Variants in ADAM32 observed in about 807,000 individuals in gnomAD.
ADAM32 encodes the protein disintegrin and metalloproteinase domain-containing protein 32.
In ADAM32, 89 loss-of-function variants were observed where a neutral mutation model predicts 114.9. The observed-to-expected ratio is 0.77, with a 90% confidence interval of 0.65 to 0.92. The LOEUF (loss-of-function observed/expected upper bound fraction) is 0.92, where lower values mean the gene tolerates loss of function less well. Ranked by LOEUF, ADAM32 falls within the 40% of genes least tolerant of loss-of-function variation. The pLI, the probability that ADAM32 is intolerant of heterozygous loss-of-function variation, is 0.00. For missense variants in ADAM32, 870 were observed against 932.8 expected, an observed-to-expected ratio of 0.93 and a Z score of 0.88; for synonymous variants, 285 against 307.5, an observed-to-expected ratio of 0.93 and a Z score of 0.77.
At chr8:39,122,399 G>C (rs1458281351) in intron 2 of ADAM32, among the ~76,000 whole-genome samples, 1 of 152,084 alleles carries the variant, frequency 6.6e-6, no homozygotes, top group Non-Finnish European at 1.5e-5. Context: ...TATAAGAAGA[G>C]GAAGAGATAC....
intron 20 of ADAM32, among the ~76,000 whole-genome samples, chr8:39,273,914 C>T (rs1812910404): frequency 6.6e-6 from 1 of 152,088 alleles, no homozygotes; most frequent in Admixed American, 6.5e-5. Flanking sequence ...TTACAAAATA[C>T]TGTCTTTTTT....
chr8:39,225,274 T>C (rs969918339), intron 14 of ADAM32, among the ~76,000 whole-genome samples: 4 of 152,044 alleles, frequency 2.6e-5, no homozygotes, highest in African/African-American at 9.7e-5. Flanking sequence ...CTAGGAACTT[T>C]TGTTGCTCTA....
chr8:39,107,796 G>T lies in ADAM32; in HGVS notation c.21G>T (p.Leu7=), dbSNP rs1345431221. The change falls in exon 1 of 25, where the codon CTG becomes CTT. Residue 7 remains leucine, a synonymous_variant. Coordinates refer to ENST00000379907, the MANE Select transcript of ADAM32 (RefSeq NM_145004.7). The stretch of plus-strand genomic sequence containing the variant: ...GCACCATGTTCCGCCTCTGGTTGCT[G>T]CTGGCCGGGCTCTGCGGCCTCCTGG... MFRLWL[L]LAGLCGLLAS... The T allele has an allele frequency of 6.5e-7, 1 of 1,550,054 alleles. No individual in the cohort carries two copies. The highest frequency in any genetic ancestry group is 8.7e-7 in the Non-Finnish European group (1 of 1,146,544).
At chr8:39,137,127 T>C (rs1802852022) in intron 3 of ADAM32, among the ~76,000 whole-genome samples, 1 of 152,226 alleles carries the variant, frequency 6.6e-6, no homozygotes, top group Non-Finnish European at 1.5e-5. Context: ...AGCTGGCGAA[T>C]AGTTTATGGA....
chr8:39,254,606 G>A (rs1177739078), intron 18 of ADAM32, 90 bp downstream of exon 18: 4 of 907,682 alleles, frequency 4.4e-6, no homozygotes, highest in Non-Finnish European at 4.8e-6. Context: ...CCACTTACAA[G>A]GCAACTGATA....
rs188382369 is a variant in ADAM32, at chr8:39,181,699, T to A, written c.916-5210T>A. On this transcript the variant is annotated intron_variant, in intron 10 of 24. Coordinates refer to ENST00000379907, the MANE Select transcript of ADAM32 (RefSeq NM_145004.7). ...ATGTAAAGGAATTTGAACTGATGAG[T>A]GAAAGAGAGAAGTTAGTAAGGAAGT... Among the ~76,000 whole-genome samples the A allele has an allele frequency of 2.6e-5, 4 of 151,974 alleles. No homozygotes were observed. The East Asian group carries it at 7.8e-4, about 29-fold the overall frequency.
intron 2 of ADAM32, among the ~76,000 whole-genome samples, chr8:39,120,175 T>G (rs1309688604): frequency 6.6e-6 from 1 of 152,224 alleles, no homozygotes; most frequent in Non-Finnish European, 1.5e-5. Flanking sequence ...TTGGGTAGCT[T>G]GAGCAGAGTA....
chr8:39,159,789 T>C (rs1804373794), intron 6 of ADAM32, among the ~76,000 whole-genome samples: 1 of 152,120 alleles, frequency 6.6e-6, no homozygotes, highest in Non-Finnish European at 1.5e-5. Context: ...CACATAACCA[T>C]AATTCTTTGA....
chr8:39,284,080 A>G (rs941899578), intron 24 of ADAM32, among the ~76,000 whole-genome samples: 2 of 152,136 alleles, frequency 1.3e-5, no homozygotes, highest in South Asian at 2.1e-4. Flanking sequence ...AGCCTAAATG[A>G]CCTAGCTTCA....
intron 10 of ADAM32, among the ~76,000 whole-genome samples, chr8:39,179,018 G>A (rs939787868): frequency 3.9e-5 from 6 of 152,142 alleles, no homozygotes; most frequent in Admixed American, 2.0e-4. Context: ...TCAGGGACCC[G>A]CTTAAAGAAG....
intron 11 of ADAM32, 25 bp from the exon 12 acceptor site, chr8:39,211,119 T>G (rs1048773676): frequency 2.1e-6 from 3 of 1,443,948 alleles, no homozygotes. Flanking sequence ...ATACTGCCAA[T>G]GACATTATAT....
chr8:39,282,107 C>G (rs1813455696), intron 23 of ADAM32, among the ~76,000 whole-genome samples: 1 of 152,132 alleles, frequency 6.6e-6, no homozygotes. Context: ...TTTGTTGTCT[C>G]CACTCTCCGT....
chr8:39,107,557 T>C, upstream of ADAM32: 1 of 1,323,610 alleles, frequency 7.6e-7, no homozygotes. Context: ...GCGGCTGGGG[T>C]GCGCCGGGAA....
chr8:39,179,484 G>A (rs540393534), intron 10 of ADAM32, among the ~76,000 whole-genome samples: 1 of 152,290 alleles, frequency 6.6e-6, no homozygotes, highest in South Asian at 2.1e-4. Flanking sequence ...TGGGGCTAGG[G>A]TATTCAAAAC....
chr8:39,207,823 G>A (rs902335301), intron 11 of ADAM32, among the ~76,000 whole-genome samples: 1 of 152,052 alleles, frequency 6.6e-6, no homozygotes, highest in African/African-American at 2.4e-5. Context: ...GTGATCATGA[G>A]GTGTTTGTCT....
At chr8:39,246,954 A>G (rs1473910035) in intron 17 of ADAM32, among the ~76,000 whole-genome samples, 3 of 152,126 alleles carry the variant, frequency 2.0e-5, no homozygotes, top group African/African-American at 7.2e-5. Flanking sequence ...ATCATATAGT[A>G]TGTAGCCTTT....
chr8:39,215,999 T>C (rs1808535968), intron 12 of ADAM32, among the ~76,000 whole-genome samples: 1 of 152,066 alleles, frequency 6.6e-6, no homozygotes, highest in East Asian at 1.9e-4. Flanking sequence ...AAGTGGGATG[T>C]CAAAGTCTCC....
At chr8:39,183,173 C>G (rs1806014713) in intron 10 of ADAM32, among the ~76,000 whole-genome samples, 1 of 152,178 alleles carries the variant, frequency 6.6e-6, no homozygotes, top group Non-Finnish European at 1.5e-5. Context: ...GTTGGCTAGT[C>G]TTTCTGGCGT....
intron 11 of ADAM32, among the ~76,000 whole-genome samples, chr8:39,201,914 A>T (rs1446583771): frequency 1.6e-4 from 24 of 152,134 alleles, no homozygotes; most frequent in Admixed American, 1.6e-3. Flanking sequence ...GGTTCTGTTT[A>T]TATGCTGGAT....
Sources: allele counts gnomAD v4.1 joint callset (sites outside exome capture counted in the v4.1 genomes callset), GRCh38; gene constraint gnomAD v4.1.1; transcripts MANE v1.5; gene names NCBI Gene and HGNC (gene_info 2026-07-23, HGNC 2026-07-21).